The following CLEC12B variants were observed in gnomAD, a reference collection of about 807,000 sequenced individuals.
CLEC12B encodes the protein macrophage antigen h.
A neutral mutation model predicts 36.1 loss-of-function variants in CLEC12B; 25 were observed. The ratio of observed to expected loss-of-function variants is 0.69; its 90% CI spans 0.50 to 0.97. The LOEUF is 0.97. CLEC12B is among the 50% of genes least tolerant of loss of function. The pLI is 0.00. For synonymous variants in CLEC12B, 110 were observed against 108.5 expected, an observed-to-expected ratio of 1.01 and a Z score of -0.09; for missense variants, 325 against 318.4, an observed-to-expected ratio of 1.02 and a Z score of -0.16.
chr12:10,010,884 G>C (rs1865312785), intron 1 of CLEC12B, 34 bp downstream of exon 1: 2 of 1,425,850 alleles, frequency 1.4e-6, no homozygotes, highest in Non-Finnish European at 2.0e-6. Flanking sequence ...TGTGTCCTTG[G>C]GGGAGTGGAC....
Position 10,014,734 on chromosome 12 carries a change from T to C in CLEC12B, c.402T>C (p.His134=). ...AIKLCQELII[H]TSDHRCNPCP... ...AACTGTGCCAAGAGCTAATCATTCA[T>C]ACTTCAGGTAATCAGACTTAGTCCT... The change falls in exon 3 of 6, where the codon CAT becomes CAC. Residue 134 remains histidine, a synonymous_variant. Coordinates refer to ENST00000338896, the MANE Select transcript of CLEC12B (RefSeq NM_001129998.3). 6.2e-7 allele frequency: 1 copy of C among 1,611,574 alleles called. No homozygotes were observed. Among genetic ancestry groups the C allele is most frequent in the Non-Finnish European group, 8.5e-7 (1 of 1,177,888 alleles).
In CLEC12B at chr12:10,014,995, A is replaced by C. The variant is rs544086368; in HGVS notation, c.409+254A>C. On this transcript the variant is annotated intron_variant, in intron 3 of 5. Transcript: ENST00000338896. ...ACCCCTCATTTTATTAACTATTTCT[A>C]GGTGATCATGTTGCTCTGAAAGCTT... is the stretch of plus-strand genomic sequence containing the variant. Among the ~76,000 whole-genome samples the C allele has an allele frequency of 3.9e-5, 6 of 152,326 alleles. No individual in the cohort carries two copies. The South Asian group carries it at 1.2e-3, about 32-fold the overall frequency.
chr12:10,009,102 C>G (rs1400076539), upstream of CLEC12B, among the ~76,000 whole-genome samples: 3 of 152,022 alleles, frequency 2.0e-5, no homozygotes, highest in Non-Finnish European at 4.4e-5. Context: ...AGAAACGGAA[C>G]ATGGAGGGGA....
intron 4 of CLEC12B, 96 bp from the exon 5 acceptor site, chr12:10,015,516 T>C (rs1865461819): frequency 6.4e-7 from 1 of 1,567,882 alleles, no homozygotes; most frequent in South Asian, 1.2e-5. Flanking sequence ...TGAATTAGAA[T>C]TAATACATGA....
Position 10,010,848 on chromosome 12 carries a change from G to C in CLEC12B, c.89G>C (p.Arg30Thr). 2 of 1,604,506 alleles carry C rather than the reference G, an allele frequency of 1.2e-6. No homozygotes were observed. Among genetic ancestry groups the C allele is most frequent in the Non-Finnish European group, 1.7e-6 (2 of 1,172,228 alleles). Residue 30 changes from arginine to threonine, a missense_variant and splice_region_variant, in exon 1 of 6, where the codon AGA becomes ACA. By Grantham distance (71) the Arg-to-Thr change is moderately conservative. Coordinates refer to ENST00000338896, the MANE Select transcript of CLEC12B (RefSeq NM_001129998.3). ...NNRDGNNLRK[R>T]GHPAPSPIWR... is the part of the protein sequence containing the mutation. ...CGAGATGGAAATAACCTAAGAAAAAGAGGTAGGAGTTCAGAGAAGACCAGC... is the reference window on the plus strand; with the variant it reads ...CGAGATGGAAATAACCTAAGAAAAACAGGTAGGAGTTCAGAGAAGACCAGC...
intron 3 of CLEC12B, among the ~76,000 whole-genome samples, 153 bp downstream of exon 3, chr12:10,014,894 C>G (rs1865440550): frequency 6.6e-6 from 1 of 152,200 alleles, no homozygotes; most frequent in African/African-American, 2.4e-5. Context: ...AGGAAATATA[C>G]AAATTCATTT....
At chr12:10,014,062 A>T (rs1865409879) in intron 2 of CLEC12B, among the ~76,000 whole-genome samples, 1 of 152,172 alleles carries the variant, frequency 6.6e-6, no homozygotes, top group South Asian at 2.1e-4. Context: ...CATGACGAGA[A>T]ATGGTCTGAT....
upstream of CLEC12B, chr12:10,010,611 A>C (rs564940145): frequency 6.0e-5 from 32 of 535,872 alleles, no homozygotes; most frequent in East Asian, 1.0e-3. Context: ...ACAAATTGTC[A>C]TTCTTCTCTT....
intron 2 of CLEC12B, 120 bp from the exon 3 acceptor site, chr12:10,014,403 C>T: frequency 3.0e-6 from 2 of 671,658 alleles, no homozygotes; most frequent in South Asian, 2.1e-5. Flanking sequence ...TTCATGATAC[C>T]TCAAATACTA....
At chr12:10,016,371 T>C (rs1263325812) in intron 5 of CLEC12B, 1 of 152,740 alleles carries the variant, frequency 6.5e-6, no homozygotes, top group African/African-American at 2.4e-5. Flanking sequence ...ATGAAACTAT[T>C]TAAAGGACAA....
intron 2 of CLEC12B, among the ~76,000 whole-genome samples, chr12:10,013,930 G>C (rs1865405346): frequency 6.6e-6 from 1 of 152,154 alleles, no homozygotes; most frequent in African/African-American, 2.4e-5. Context: ...ACGTCCATTG[G>C]TTCGATATAG....
At position 10,018,442 on chromosome 12, in the gene CLEC12B, G is replaced by GA; in HGVS notation, c.794dup (p.Thr266AspfsTer8). 6.4e-7 allele frequency: 1 copy of GA among 1,550,920 alleles called. No individual in the cohort carries two copies. Among genetic ancestry groups the GA allele is most frequent in the Non-Finnish European group, 8.7e-7 (1 of 1,146,636 alleles). ...GTGCTGAAATTTTTTGGATTTGCGA[G>GA]AAGACAGCTGCCCCAGTGAAGACTG... is the stretch of plus-strand genomic sequence containing the variant. On this transcript the variant is annotated frameshift_variant, in exon 6 of 6. Transcript: ENST00000338896. LOFTEE classifies it high-confidence loss of function.
chr12:10,015,434 T>C (rs762537874), intron 4 of CLEC12B, 28 bp downstream of exon 4: 17 of 1,600,282 alleles, frequency 1.1e-5, no homozygotes, highest in Admixed American at 1.7e-5. Context: ...TCTCTAGTTA[T>C]AGACATTATC....
chr12:10,010,473 C>T (rs1807355), upstream of CLEC12B, among the ~76,000 whole-genome samples: 53,870 of 152,130 alleles, frequency 0.35, 9,768 homozygotes, highest in Middle Eastern at 0.38. Context: ...TGCTCTGCCT[C>T]AAGCACCCCT....
At chr12:10,017,375 T>C (rs1591872077) in intron 5 of CLEC12B, 3 of 985,434 alleles carry the variant, frequency 3.0e-6, no homozygotes, top group Non-Finnish European at 3.6e-6. Context: ...AGTAGTACTA[T>C]GACATCATGT....
chr12:10,014,210 T>C (rs1379329731), intron 2 of CLEC12B, among the ~76,000 whole-genome samples: 2 of 152,020 alleles, frequency 1.3e-5, no homozygotes, highest in Non-Finnish European at 2.9e-5. Flanking sequence ...CCAAATAAAA[T>C]AAAACAAAAA....
At chr12:10,011,571 G>A (rs934450641) in intron 1 of CLEC12B, among the ~76,000 whole-genome samples, 2 of 152,108 alleles carry the variant, frequency 1.3e-5, no homozygotes, top group African/African-American at 4.8e-5. Context: ...TCTCAGTGCT[G>A]GTCTTCAGCT....
At chr12:10,009,053 A>G (rs193294600), upstream of CLEC12B, among the ~76,000 whole-genome samples, 8 of 152,306 alleles carry the variant, frequency 5.3e-5, no homozygotes, top group East Asian at 1.9e-4. Flanking sequence ...AAAGTAGCCA[A>G]TTGCGGTGAG....
chr12:10,013,097 G>C, intron 2 of CLEC12B: 1 of 549,260 alleles, frequency 1.8e-6, no homozygotes, highest in Non-Finnish European at 3.2e-6. Context: ...ATCTTGATAA[G>C]CTAAACTGGA....
Sources: gnomAD v4.1 joint callset for allele counts (sites outside exome capture counted in the v4.1 genomes callset) on GRCh38, gnomAD v4.1.1 for gene constraint, MANE v1.5 for transcripts, NCBI Gene and HGNC (gene_info 2026-07-23, HGNC 2026-07-21) for gene names.